Variants in ADORA2B observed in about 807,000 individuals in gnomAD.
ADORA2B encodes the protein adenosine A2b receptor.
Under a neutral mutation model 20.8 loss-of-function variants are expected in ADORA2B, and 18 were observed. The ratio of observed to expected loss-of-function variants is 0.87; its 90% CI spans 0.60 to 1.29. The LOEUF is 1.29. ADORA2B is among the 50% of genes most tolerant of loss of function. The pLI is 0.00. For missense variants in ADORA2B, 441 were observed against 422.7 expected (o/e 1.04, Z -0.38); for synonymous variants, 179 against 178.3 (o/e 1.00, Z -0.03).
chr17:15,939,230 C>T, the ADORA2B span, among the ~76,000 whole-genome samples: 2 of 152,028 alleles, frequency 1.3e-5, no homozygotes, highest in Non-Finnish European at 2.9e-5. Context: ...TTAGTAGAGA[C>T]AGGGTTTCAC....
the ADORA2B span, among the ~76,000 whole-genome samples, chr17:15,873,147 T>C: frequency 6.6e-6 from 1 of 152,244 alleles, no homozygotes; most frequent in East Asian, 1.9e-4. Flanking sequence ...TCTTTCCGCA[T>C]CTATTGAGAT....
chr17:15,938,554 G>T, the ADORA2B span, among the ~76,000 whole-genome samples: 5 of 152,132 alleles, frequency 3.3e-5, no homozygotes, highest in African/African-American at 1.2e-4. Flanking sequence ...CACCCACCTT[G>T]GCCTCCCAAA....
At chr17:15,959,278 G>A (rs1287229520) in intron 1 of ADORA2B, among the ~76,000 whole-genome samples, 1 of 152,112 alleles carries the variant, frequency 6.6e-6, no homozygotes. Flanking sequence ...TACAAAATGA[G>A]TACAGTACAT....
the ADORA2B span, among the ~76,000 whole-genome samples, chr17:15,901,240 C>T: frequency 6.6e-6 from 1 of 152,086 alleles, no homozygotes; most frequent in Non-Finnish European, 1.5e-5. Context: ...CTGAGGTGGG[C>T]AGATCACCTT....
the ADORA2B span, among the ~76,000 whole-genome samples, chr17:15,893,424 T>C: frequency 1.1e-4 from 17 of 152,356 alleles, no homozygotes; most frequent in South Asian, 3.1e-3. Context: ...CTAAATGTTA[T>C]CATTCAGAGT....
At chr17:15,899,830 CT>C in the ADORA2B span, among the ~76,000 whole-genome samples, 4 of 150,738 alleles carry the variant, frequency 2.7e-5, no homozygotes, top group Admixed American at 6.6e-5. Context: ...ACCACATTTT[CT>C]TTTTTTCTTT....
chr17:15,970,474 A>G (rs1202655702), intron 1 of ADORA2B, among the ~76,000 whole-genome samples: 2 of 152,200 alleles, frequency 1.3e-5, no homozygotes, highest in African/African-American at 4.8e-5. Flanking sequence ...AGGGTGCTGC[A>G]AATATAAAAT....
intron 1 of ADORA2B, among the ~76,000 whole-genome samples, chr17:15,948,407 G>GGGGGGGGGGGGGGC (rs56222691): frequency 3.0e-5 from 1 of 33,686 alleles, no homozygotes; most frequent in African/African-American, 5.4e-5. Context: ...GCGGCGGGGG[G>GGGGGGGGGGGGGGC]CTCCAGTCCC....
the ADORA2B span, among the ~76,000 whole-genome samples, chr17:15,881,736 T>C: frequency 1.3e-5 from 2 of 152,210 alleles, no homozygotes; most frequent in Non-Finnish European, 2.9e-5. Context: ...GGCCCATCTG[T>C]GTTGGGGCGT....
intron 1 of ADORA2B, among the ~76,000 whole-genome samples, chr17:15,957,811 T>G (rs72821748): frequency 0.07 from 10,590 of 152,218 alleles, 518 homozygotes; most frequent in Middle Eastern, 0.099. Context: ...CCCAACCTTC[T>G]TTGGTGTGCC....
chr17:15,931,623 C>T, the ADORA2B span, among the ~76,000 whole-genome samples: 1 of 152,208 alleles, frequency 6.6e-6, no homozygotes, highest in African/African-American at 2.4e-5. Flanking sequence ...TCAGCCACTT[C>T]ACCTCTCTAC....
chr17:15,932,201 T>C, the ADORA2B span, among the ~76,000 whole-genome samples: 7 of 152,106 alleles, frequency 4.6e-5, no homozygotes, highest in African/African-American at 1.7e-4. Flanking sequence ...GTGTCATAGT[T>C]AAGAAATTGT....
chr17:15,943,088 A>C (rs537428269), upstream of ADORA2B, among the ~76,000 whole-genome samples: 288 of 152,352 alleles, frequency 1.9e-3, 1 homozygote, highest in African/African-American at 6.6e-3. Context: ...AGGTGATTCC[A>C]GAACTCACGT....
At chr17:15,957,541 C>T (rs536031149) in intron 1 of ADORA2B, among the ~76,000 whole-genome samples, 2 of 152,146 alleles carry the variant, frequency 1.3e-5, no homozygotes, top group Admixed American at 1.3e-4. Flanking sequence ...AGGATGACTC[C>T]CAGATTTCCG....
the ADORA2B span, among the ~76,000 whole-genome samples, chr17:15,894,190 T>G: frequency 6.6e-6 from 1 of 152,246 alleles, no homozygotes; most frequent in Non-Finnish European, 1.5e-5. Flanking sequence ...ACATGTTCTC[T>G]GAACTCATGA....
the ADORA2B span, among the ~76,000 whole-genome samples, chr17:15,870,811 A>T: frequency 6.6e-6 from 1 of 152,192 alleles, no homozygotes; most frequent in Non-Finnish European, 1.5e-5. Flanking sequence ...CAAAAAACAT[A>T]AATCCTTTGA....
the ADORA2B span, among the ~76,000 whole-genome samples, chr17:15,934,023 T>C: frequency 9.9e-5 from 15 of 151,742 alleles, no homozygotes; most frequent in African/African-American, 3.4e-4. Flanking sequence ...GTTGAAGATA[T>C]TTCTTTCCAT....
chr17:15,901,445 CAA>C, the ADORA2B span, among the ~76,000 whole-genome samples: 2 of 149,344 alleles, frequency 1.3e-5, no homozygotes, highest in South Asian at 4.2e-4. Context: ...GCCTGGGCAA[CAA>C]GAGCGAAACT....
chr17:15,899,838 C>CA, the ADORA2B span, among the ~76,000 whole-genome samples: 5 of 143,876 alleles, frequency 3.5e-5, no homozygotes, highest in Admixed American at 7.0e-5. Flanking sequence ...TTCTTTTTTT[C>CA]TTTTTTTTTT....
Sources: allele counts gnomAD v4.1 joint callset (sites outside exome capture counted in the v4.1 genomes callset), GRCh38; gene constraint gnomAD v4.1.1; transcripts MANE v1.5; gene names NCBI Gene and HGNC (gene_info 2026-07-23, HGNC 2026-07-21).